The following UGT3A2 variants were observed in gnomAD, a reference collection of about 807,000 sequenced individuals.
UGT3A2 encodes the protein UDP glycosyltransferase family 3 member A2, also known as UDP-glycosyltransferase 3A2.
UGT3A2 carries 32 observed loss-of-function variants against 39.8 expected under a neutral mutation model. That is an observed-to-expected ratio of 0.80 (90% confidence interval 0.61 to 1.08). UGT3A2 has a LOEUF of 1.08. Among genes scored for constraint, UGT3A2 ranks in the 50% least tolerant of loss-of-function variants. UGT3A2 has a pLI of 0.00. For missense variants in UGT3A2, 611 were observed against 637.1 expected (o/e 0.96, Z 0.44); for synonymous variants, 241 against 230.7 (o/e 1.04, Z -0.40).
chr5:36,037,377 G>A (rs996861060), intron 6 of UGT3A2, among the ~76,000 whole-genome samples: 3 of 152,136 alleles, frequency 2.0e-5, no homozygotes, highest in African/African-American at 7.2e-5. Context: ...AGATGAGACC[G>A]GAATGCAACA....
chr5:36,038,196 TTGC>T (rs1337376645), intron 5 of UGT3A2, among the ~76,000 whole-genome samples, 180 bp from the exon 6 acceptor site: 1 of 152,188 alleles, frequency 6.6e-6, no homozygotes, highest in African/African-American at 2.4e-5. Context: ...ATTCCAAGCG[TTGC>T]TATCGTATGG....
In UGT3A2 at chr5:36,066,794, A is replaced by G; in HGVS notation, c.-5T>C. ...AAGCACTCGCTGCCCAGCCATGCTC[A>G]CTTCTACGGAAGCCGCGGATCTCAG... is the stretch of plus-strand genomic sequence containing the variant. On this transcript the variant is annotated 5_prime_UTR_variant, in exon 1 of 7. Coordinates refer to ENST00000282507, the MANE Select transcript of UGT3A2 (RefSeq NM_174914.4). The G allele has an allele frequency of 6.2e-7, 1 of 1,614,178 alleles. No homozygotes were observed. Among genetic ancestry groups the G allele is most frequent in the South Asian group, 1.1e-5 (1 of 91,084 alleles).
intron 2 of UGT3A2, among the ~76,000 whole-genome samples, chr5:36,054,316 T>C (rs756066140): frequency 6.6e-6 from 1 of 152,208 alleles, no homozygotes; most frequent in Non-Finnish European, 1.5e-5. Context: ...CAGACATGTA[T>C]ATCTTTGGGA....
chr5:36,042,219 CTT>C (rs1158756113), intron 4 of UGT3A2, among the ~76,000 whole-genome samples: 2 of 151,778 alleles, frequency 1.3e-5, no homozygotes, highest in Admixed American at 6.6e-5. Context: ...CCAACAAAAA[CTT>C]AGCGGACTGG....
chr5:36,035,964 C>T lies in UGT3A2; in HGVS notation c.1306G>A (p.Ala436Thr), dbSNP rs61729693. The T allele has an allele frequency of 1.1e-3, 1,795 of 1,613,590 alleles. 20 individuals carry two copies. In the African/African-American group the frequency reaches 0.02, roughly 18 times the overall value. The change falls in exon 7 of 7, where the codon GCG becomes ACG. Residue 436 changes from alanine (A) to threonine (T), a missense_variant. Coordinates refer to ENST00000282507, the MANE Select transcript of UGT3A2 (RefSeq NM_174914.4). ...QIMEDKRYKS[A>T]AVAASVILRS... ...AGGATGACACTGGCAGCCACTGCCG[C>T]GGACTTGTATCTGTTGAGAGAGATA...
At chr5:36,066,630 C>T (rs1490368423) in intron 1 of UGT3A2, 66 bp downstream of exon 1, 9 of 1,608,896 alleles carry the variant, frequency 5.6e-6, no homozygotes, top group Non-Finnish European at 7.7e-6. Flanking sequence ...GCGCTGTTCT[C>T]TGGAGCCCTG....
At chr5:36,052,632 T>C (rs959807565) in intron 2 of UGT3A2, among the ~76,000 whole-genome samples, 3 of 152,072 alleles carry the variant, frequency 2.0e-5, no homozygotes, top group African/African-American at 7.3e-5. Flanking sequence ...AAGGAAATCC[T>C]CAGCCCATCC....
At chr5:36,048,745 T>C (rs1215347630) in intron 4 of UGT3A2, 144 bp downstream of exon 4, 9 of 1,207,764 alleles carry the variant, frequency 7.5e-6, no homozygotes, top group Middle Eastern at 2.9e-4. Context: ...CTGAAACTCA[T>C]CACTTCCTTT....
At chr5:36,049,748 T>G (rs908371914) in intron 3 of UGT3A2, among the ~76,000 whole-genome samples, 2 of 152,204 alleles carry the variant, frequency 1.3e-5, no homozygotes, top group Non-Finnish European at 2.9e-5. Context: ...ATAAATTAGG[T>G]GACACTCTGT....
chr5:36,049,469 C>T, intron 3 of UGT3A2, 49 bp from the exon 4 acceptor site: 4 of 1,392,746 alleles, frequency 2.9e-6, no homozygotes, highest in East Asian at 4.6e-5. Context: ...GTTAAATTTA[C>T]AGTACATAAA....
intron 2 of UGT3A2, among the ~76,000 whole-genome samples, chr5:36,062,024 G>C (rs1469301557): frequency 6.6e-6 from 1 of 151,662 alleles, no homozygotes; most frequent in Non-Finnish European, 1.5e-5. Context: ...GTGTTTTTTG[G>C]CTGCATAAAT....
intron 2 of UGT3A2, among the ~76,000 whole-genome samples, chr5:36,058,939 ACCTGCAGGGACCTGAAGAGG>A (rs557508653): frequency 1.4e-3 from 213 of 152,266 alleles, no homozygotes; most frequent in African/African-American, 5.0e-3. Flanking sequence ...ACCTGAAGAG[ACCTGCAGGGACCTGAAGAGG>A]CCTGCAGGGA....
chr5:36,062,203 T>C (rs1477073426), intron 2 of UGT3A2, among the ~76,000 whole-genome samples: 2 of 148,642 alleles, frequency 1.3e-5, no homozygotes, highest in Non-Finnish European at 3.0e-5. Flanking sequence ...GCCTGTTCAC[T>C]CTGATGGTAG....
chr5:36,053,735 T>G (rs1055684571), intron 2 of UGT3A2, among the ~76,000 whole-genome samples: 1 of 152,214 alleles, frequency 6.6e-6, no homozygotes, highest in Non-Finnish European at 1.5e-5. Flanking sequence ...TGGGTCTCAT[T>G]AGAATAAAAT....
rs1580992916 is a variant in UGT3A2, at chr5:36,035,955, C to A, written c.1315G>T (p.Ala439Ser). The A allele has an allele frequency of 1.9e-6, 3 of 1,613,738 alleles. No individual in the cohort carries two copies. In the Admixed American group the frequency reaches 5.0e-5, roughly 27 times the overall value. ...EDKRYKSAAV[A>S]ASVILRSHPL... ...TGGGAGCGCAGGATGACACTGGCAG[C>A]CACTGCCGCGGACTTGTATCTGTTG... Residue 439 changes from alanine (A) to serine (S), a missense_variant, in exon 7 of 7, where the codon GCT (alanine) becomes TCT (serine). Coordinates refer to ENST00000282507, the MANE Select transcript of UGT3A2 (RefSeq NM_174914.4).
intron 4 of UGT3A2, among the ~76,000 whole-genome samples, chr5:36,041,038 T>G (rs553443439): frequency 6.6e-6 from 1 of 152,212 alleles, no homozygotes; most frequent in Non-Finnish European, 1.5e-5. Context: ...TTGCTAGACA[T>G]GCCCTGGGTC....
At chr5:36,047,093 C>T (rs1240462578) in intron 4 of UGT3A2, among the ~76,000 whole-genome samples, 1 of 152,192 alleles carries the variant, frequency 6.6e-6, no homozygotes, top group East Asian at 1.9e-4. Flanking sequence ...AAATTGTGCA[C>T]TCAGTGAAAG....
chr5:36,035,477 A>T lies in UGT3A2; in HGVS notation c.*221T>A. ...CTGATGGCAAACAAAGGAGGACAAG[A>T]GGACTGGAAAGAATTCTGCTAGCAG... On this transcript the variant is annotated 3_prime_UTR_variant, in exon 7 of 7. Transcript: ENST00000282507. 1.6e-6 allele frequency: 1 copy of T among 619,286 alleles called. No homozygotes were observed. Among genetic ancestry groups the T allele is most frequent in the Non-Finnish European group, 2.7e-6 (1 of 365,448 alleles). The allele number at this position is 619,286 out of a possible 1,614,324, so 38.4% of individuals were successfully genotyped here.
At chr5:36,055,134 C>T (rs1268408110) in intron 2 of UGT3A2, among the ~76,000 whole-genome samples, 1 of 151,068 alleles carries the variant, frequency 6.6e-6, no homozygotes, top group African/African-American at 2.4e-5. Flanking sequence ...AGCAAGACTT[C>T]ATCTCAAAAA....
Sources: allele counts gnomAD v4.1 joint callset (sites outside exome capture counted in the v4.1 genomes callset), GRCh38; gene constraint gnomAD v4.1.1; transcripts MANE v1.5; gene names NCBI Gene and HGNC (gene_info 2026-07-23, HGNC 2026-07-21).